Variants in RCSD1 observed in about 807,000 individuals in gnomAD.
RCSD1 encodes capZ-interacting protein.
Under a neutral mutation model 42.5 loss-of-function variants are expected in RCSD1, and 26 were observed. The observed-to-expected ratio is 0.61, with a 90% CI of 0.45 to 0.85. RCSD1 has a LOEUF of 0.85. RCSD1 is among the 40% of genes least tolerant of loss of function. The probability of loss-of-function intolerance (pLI) is 0.00; values close to 1 mark genes in which losing one functional copy is unlikely to be tolerated. For synonymous variants in RCSD1, 220 were observed against 212.2 expected (o/e 1.04, Z -0.32); for missense variants, 571 against 528.3 (o/e 1.08, Z -0.79).
intron 1 of RCSD1, among the ~76,000 whole-genome samples, chr1:167,654,999 G>A (rs531377954): frequency 1.3e-5 from 2 of 152,268 alleles, no homozygotes; most frequent in South Asian, 4.1e-4. Context: ...AGATGGGCCT[G>A]TCATTGCTGC....
intron 1 of RCSD1, chr1:167,638,496 C>T (rs558995014): frequency 6.6e-6 from 1 of 152,378 alleles, no homozygotes; most frequent in Admixed American, 6.5e-5. Flanking sequence ...GGATCCTGTC[C>T]CTGTTCTTCC....
intron 1 of RCSD1, among the ~76,000 whole-genome samples, chr1:167,669,932 G>A (rs1658760806): frequency 6.6e-6 from 1 of 152,122 alleles, no homozygotes; most frequent in South Asian, 2.1e-4. Context: ...ATCTTAGAAG[G>A]TATGCCCTGG....
Position 167,676,871 on chromosome 1 carries a change from A to G in RCSD1, c.7-7029A>G, listed in dbSNP as rs188088469. 3.6e-4 allele frequency among the ~76,000 whole-genome samples: 55 copies of G among 152,342 alleles called. No individual in the cohort carries two copies. In the East Asian group the frequency reaches 9.8e-3, roughly 27 times the overall value. ...AACCCTGTCCGTAATATTGGGTGAC[A>G]ATGCCAAGTCCTGGGAGCAAATGGG... On this transcript the variant is annotated intron_variant, in intron 1 of 6. Coordinates refer to ENST00000367854, the MANE Select transcript of RCSD1 (RefSeq NM_052862.4).
Position 167,694,101 on chromosome 1 carries a change from C to A in RCSD1, c.273C>A (p.Ala91=). ...AATTGTTCATCTTTTCTTGACAGGC[C>A]AATTTAACCTTTGACCCAGCTGCTC... ...KSSPLIEKLQ[A]NLTFDPAALL... is the part of the protein sequence containing the mutation. The change falls in exon 5 of 7, where the codon GCC becomes GCA. Residue 91 remains alanine (A), a splice_region_variant and synonymous_variant. Transcript: ENST00000367854. The A allele has an allele frequency of 6.2e-7, 1 of 1,614,124 alleles. No homozygotes were observed. Among genetic ancestry groups the A allele is most frequent in the Non-Finnish European group, 8.5e-7 (1 of 1,179,994 alleles).
At chr1:167,660,817 C>T (rs1289064418) in intron 1 of RCSD1, among the ~76,000 whole-genome samples, 1 of 152,150 alleles carries the variant, frequency 6.6e-6, no homozygotes, top group Non-Finnish European at 1.5e-5. Context: ...TCATATTTCC[C>T]TAACTGGTCT....
At chr1:167,631,816 T>G (rs1571661696) in intron 1 of RCSD1, among the ~76,000 whole-genome samples, 2 of 152,346 alleles carry the variant, frequency 1.3e-5, no homozygotes, top group Admixed American at 1.3e-4. Flanking sequence ...CTAGACTCTG[T>G]GCTTGCCGGC....
At chr1:167,704,558 C>G (rs560688500) in intron 6 of RCSD1, 106 bp from the exon 7 acceptor site, 2 of 941,632 alleles carry the variant, frequency 2.1e-6, no homozygotes, top group Admixed American at 1.9e-5. Flanking sequence ...TACTATTACT[C>G]CTACTGTTAC....
At chr1:167,648,717 C>T (rs1423244352) in intron 1 of RCSD1, among the ~76,000 whole-genome samples, 11 of 152,036 alleles carry the variant, frequency 7.2e-5, no homozygotes, top group Non-Finnish European at 1.6e-4. Context: ...ACAGTGAGCC[C>T]GGGGACACCA....
At chr1:167,678,594 C>G (rs757577617) in intron 1 of RCSD1, among the ~76,000 whole-genome samples, 2 of 152,156 alleles carry the variant, frequency 1.3e-5, no homozygotes, top group Non-Finnish European at 2.9e-5. Flanking sequence ...TCAGCTGGAC[C>G]GCTGCCAGCA....
intron 1 of RCSD1, among the ~76,000 whole-genome samples, chr1:167,682,878 A>AGAAATGCTG (rs1242758892): frequency 6.6e-6 from 1 of 152,200 alleles, no homozygotes; most frequent in Non-Finnish European, 1.5e-5. Context: ...AGTCTGTGTA[A>AGAAATGCTG]GAAATGCTGC....
intron 1 of RCSD1, among the ~76,000 whole-genome samples, chr1:167,683,629 C>T (rs1357449931): frequency 6.6e-6 from 1 of 152,192 alleles, no homozygotes; most frequent in Non-Finnish European, 1.5e-5. Context: ...CCTGTACTGC[C>T]TCTGACATCC....
intron 1 of RCSD1, among the ~76,000 whole-genome samples, chr1:167,649,696 G>A (rs1658256754): frequency 6.6e-6 from 1 of 152,176 alleles, no homozygotes; most frequent in Non-Finnish European, 1.5e-5. Context: ...GACTGTGAGG[G>A]CAGAGAAAGA....
intron 1 of RCSD1, among the ~76,000 whole-genome samples, chr1:167,637,784 C>T (rs1043882272): frequency 6.6e-6 from 1 of 152,128 alleles, no homozygotes; most frequent in Admixed American, 6.6e-5. Context: ...TTCCCACTCA[C>T]ACTTCCACCT....
At chr1:167,651,522 C>T (rs1658304902) in intron 1 of RCSD1, among the ~76,000 whole-genome samples, 1 of 152,238 alleles carries the variant, frequency 6.6e-6, no homozygotes, top group African/African-American at 2.4e-5. Context: ...CCTTATGTCA[C>T]CTCCTTCTGG....
At chr1:167,649,498 C>T (rs1658249438) in intron 1 of RCSD1, among the ~76,000 whole-genome samples, 1 of 152,214 alleles carries the variant, frequency 6.6e-6, no homozygotes, top group Admixed American at 6.5e-5. Flanking sequence ...AAAACCACAG[C>T]TTGGCCTCAC....
At chr1:167,693,018 C>T (rs890530064) in intron 4 of RCSD1, among the ~76,000 whole-genome samples, 5 of 152,126 alleles carry the variant, frequency 3.3e-5, no homozygotes, top group South Asian at 2.1e-4. Flanking sequence ...ATCTGAGATT[C>T]GGAAAGGCTG....
At chr1:167,666,935 T>C (rs903638943) in intron 1 of RCSD1, among the ~76,000 whole-genome samples, 3 of 152,250 alleles carry the variant, frequency 2.0e-5, no homozygotes, top group Non-Finnish European at 2.9e-5. Flanking sequence ...ATTCTTCCAC[T>C]GTGGCCCAGG....
intron 6 of RCSD1, among the ~76,000 whole-genome samples, chr1:167,700,289 CATA>C (rs1659606761): frequency 6.6e-6 from 1 of 152,162 alleles, no homozygotes; most frequent in Non-Finnish European, 1.5e-5. Context: ...CCCAAAGACT[CATA>C]AAGTATGACT....
Position 167,697,136 on chromosome 1 carries a change from C to T in RCSD1, c.512C>T (p.Ser171Phe). Residue 171 changes from serine to phenylalanine, a missense_variant, in exon 6 of 7, where the codon TCC becomes TTC. By Grantham distance (155) the Ser-to-Phe change is radical. Transcript: ENST00000367854. The stretch of plus-strand genomic sequence containing the variant: ...GGCTCAATAAAAAGGCGCCCTCCCT[C>T]CAGGCGATTCCGAAGGTCACAGTCA... ...TRGSIKRRPP[S>F]RRFRRSQSDC... 2 of 1,614,098 alleles carry T rather than the reference C, an allele frequency of 1.2e-6. No homozygotes were observed. Among genetic ancestry groups the T allele is most frequent in the Non-Finnish European group, 1.7e-6 (2 of 1,180,012 alleles).
Sources: gnomAD v4.1 joint callset for allele counts (sites outside exome capture counted in the v4.1 genomes callset) on GRCh38, gnomAD v4.1.1 for gene constraint, MANE v1.5 for transcripts, NCBI Gene and HGNC (gene_info 2026-07-23, HGNC 2026-07-21) for gene names.